SLMAP: variants seen among roughly 807,000 people sequenced by gnomAD.
The protein encoded by SLMAP is sarcolemma associated protein.
In SLMAP, 44 loss-of-function variants were observed where a neutral mutation model predicts 128.8. The observed-to-expected ratio is 0.34, with a 90% CI of 0.27 to 0.44. The LOEUF (loss-of-function observed/expected upper bound fraction) is 0.44, where lower values mean the gene tolerates loss of function less well. Among genes scored for constraint, SLMAP ranks in the 20% least tolerant of loss-of-function variants. The pLI is 1.00. For synonymous variants in SLMAP, 327 were observed against 348.8 expected, an observed-to-expected ratio of 0.94 and a Z score of 0.70; for missense variants, 787 against 985.3, an observed-to-expected ratio of 0.80 and a Z score of 2.69.
At chr3:57,793,663 C>A (rs2086017424) in intron 2 of SLMAP, among the ~76,000 whole-genome samples, 1 of 152,174 alleles carries the variant, frequency 6.6e-6, no homozygotes, top group Non-Finnish European at 1.5e-5. Context: ...TTGTCCTCAA[C>A]TACTAGCATT....
At chr3:57,914,783 T>C (rs1047633439) in intron 21 of SLMAP, among the ~76,000 whole-genome samples, 9 of 151,956 alleles carry the variant, frequency 5.9e-5, no homozygotes, top group Non-Finnish European at 1.2e-4. Flanking sequence ...GGTTTCTCCA[T>C]GTTGGTTAGG....
At chr3:57,873,189 A>G (rs561552677) in intron 14 of SLMAP, among the ~76,000 whole-genome samples, 1 of 152,330 alleles carries the variant, frequency 6.6e-6, no homozygotes, top group East Asian at 1.9e-4. Context: ...AATAAATGTG[A>G]CATATTTCTT....
intron 14 of SLMAP, among the ~76,000 whole-genome samples, chr3:57,883,193 TAGTG>T (rs1298076099): frequency 2.6e-5 from 4 of 152,114 alleles, no homozygotes; most frequent in African/African-American, 2.4e-5. Flanking sequence ...AATAGAGGCT[TAGTG>T]AGGAGAGATT....
chr3:57,831,463 A>G lies in SLMAP; in HGVS notation c.279A>G (p.Pro93=). The change falls in exon 3 of 25, where the codon CCA becomes CCG. Residue 93 remains proline (P), a synonymous_variant. Transcript: ENST00000671191. ...TGAGTCGAGGCTCTGAAGAAAGTCC[A>G]CCATGTGAAATTCTTTCCGGTGACA... ...QRLSRGSEES[P]PCEILSGDII... 6.3e-7 allele frequency: 1 copy of G among 1,598,188 alleles called. No homozygotes were observed. The highest frequency in any genetic ancestry group is 8.5e-7 in the Non-Finnish European group (1 of 1,171,198).
intron 17 of SLMAP, chr3:57,897,168 A>T: frequency 8.4e-7 from 1 of 1,185,834 alleles, no homozygotes; most frequent in Admixed American, 3.9e-5. Flanking sequence ...TAAGTGGTAG[A>T]ATATGAAATG....
intron 2 of SLMAP, among the ~76,000 whole-genome samples, chr3:57,797,059 A>C (rs1015404846): frequency 6.6e-5 from 10 of 151,552 alleles, no homozygotes; most frequent in Admixed American, 6.6e-4. Flanking sequence ...GCATGTGCCT[A>C]TAGTCCCAGC....
intron 2 of SLMAP, among the ~76,000 whole-genome samples, chr3:57,758,689 G>T (rs1227468236): frequency 1.3e-5 from 2 of 152,146 alleles, no homozygotes; most frequent in Non-Finnish European, 2.9e-5. Context: ...GTATTTTTAT[G>T]TTAGTATCGT....
intron 14 of SLMAP, among the ~76,000 whole-genome samples, chr3:57,888,056 C>T (rs2095948003): frequency 6.6e-6 from 1 of 152,020 alleles, no homozygotes; most frequent in African/African-American, 2.4e-5. Flanking sequence ...TACCTTCTGT[C>T]CACCCCTTTT....
intron 2 of SLMAP, among the ~76,000 whole-genome samples, chr3:57,761,806 G>A (rs1033344948): frequency 6.6e-6 from 1 of 151,112 alleles, no homozygotes; most frequent in African/African-American, 2.4e-5. Context: ...CCAGCACTTT[G>A]GGAGGCCGAG....
intron 2 of SLMAP, among the ~76,000 whole-genome samples, chr3:57,770,407 A>T (rs1257581037): frequency 3.3e-5 from 5 of 152,226 alleles, no homozygotes; most frequent in African/African-American, 1.2e-4. Flanking sequence ...AGAGCAATGC[A>T]TTCTAGCTGG....
chr3:57,760,720 TAA>T (rs879442621), intron 2 of SLMAP, among the ~76,000 whole-genome samples: 4 of 143,990 alleles, frequency 2.8e-5, no homozygotes, highest in South Asian at 2.2e-4. Flanking sequence ...CCCTGTCTCT[TAA>T]AAAAAAAAAA....
At chr3:57,847,263 C>A in intron 5 of SLMAP, 30 bp downstream of exon 5, 6 of 1,555,168 alleles carry the variant, frequency 3.9e-6, no homozygotes, top group Non-Finnish European at 5.3e-6. Flanking sequence ...TTTTTCCAAA[C>A]TGACTCAGCT....
intron 10 of SLMAP, among the ~76,000 whole-genome samples, chr3:57,863,810 A>G (rs967476249): frequency 5.3e-5 from 8 of 152,188 alleles, no homozygotes; most frequent in African/African-American, 1.9e-4. Flanking sequence ...CATCCAAACT[A>G]TAGGCAGAGA....
chr3:57,866,494 A>G (rs893730633), intron 13 of SLMAP, among the ~76,000 whole-genome samples: 5 of 152,182 alleles, frequency 3.3e-5, no homozygotes, highest in South Asian at 2.1e-4. Flanking sequence ...TTATTTGCAT[A>G]TGTAATGAAT....
chr3:57,798,580 C>G (rs990581831), intron 2 of SLMAP, among the ~76,000 whole-genome samples: 2 of 151,996 alleles, frequency 1.3e-5, no homozygotes, highest in Admixed American at 6.6e-5. Context: ...AGTTGACTAG[C>G]CTATTCTAGG....
intron 2 of SLMAP, among the ~76,000 whole-genome samples, chr3:57,798,814 A>G (rs1230024880): frequency 6.6e-6 from 1 of 152,168 alleles, no homozygotes; most frequent in Non-Finnish European, 1.5e-5. Context: ...CTTTTATAAT[A>G]TTATTTTATT....
At chr3:57,868,678 G>A (rs1486369108) in intron 13 of SLMAP, among the ~76,000 whole-genome samples, 1 of 150,884 alleles carries the variant, frequency 6.6e-6, no homozygotes, top group African/African-American at 2.4e-5. Flanking sequence ...AATGAACTAT[G>A]ATTGTGCCAC....
intron 19 of SLMAP, among the ~76,000 whole-genome samples, chr3:57,911,424 A>G (rs1576273662): frequency 6.6e-6 from 1 of 152,290 alleles, no homozygotes; most frequent in East Asian, 1.9e-4. Context: ...TTTCCTTATA[A>G]TATGGTAACC....
chr3:57,824,933 G>A (rs150061234), intron 2 of SLMAP, among the ~76,000 whole-genome samples: 39 of 152,186 alleles, frequency 2.6e-4, no homozygotes, highest in African/African-American at 9.4e-4. Flanking sequence ...ATATCTTTCA[G>A]CAATATTTTA....
Sources: gnomAD v4.1 joint callset for allele counts (sites outside exome capture counted in the v4.1 genomes callset) on GRCh38, gnomAD v4.1.1 for gene constraint, MANE v1.5 for transcripts, NCBI Gene and HGNC (gene_info 2026-07-23, HGNC 2026-07-21) for gene names.